The following DNAJC1 variants were observed in gnomAD, a reference collection of about 807,000 sequenced individuals.
DNAJC1 encodes DnaJ heat shock protein family (Hsp40) member C1.
In DNAJC1, 58 loss-of-function variants were observed where a neutral mutation model predicts 76.6. The ratio of observed to expected loss-of-function variants is 0.76; its 90% confidence interval spans 0.61 to 0.94. DNAJC1 has a LOEUF of 0.94. DNAJC1 is among the 40% of genes least tolerant of loss of function. The pLI is 0.00. For missense variants in DNAJC1, 689 were observed against 677.3 expected, an observed-to-expected ratio of 1.02 and a Z score of -0.19; for synonymous variants, 258 against 267.9, an observed-to-expected ratio of 0.96 and a Z score of 0.36.
At chr10:21,928,830 A>G (rs1380223744) in intron 2 of DNAJC1, among the ~76,000 whole-genome samples, 3 of 152,218 alleles carry the variant, frequency 2.0e-5, no homozygotes, top group Non-Finnish European at 4.4e-5. Context: ...CAAGAAAATT[A>G]TGACAATTAT....
At chr10:21,793,111 G>C (rs1451385664) in intron 9 of DNAJC1, among the ~76,000 whole-genome samples, 1 of 152,120 alleles carries the variant, frequency 6.6e-6, no homozygotes, top group South Asian at 2.1e-4. Flanking sequence ...TTCAAGACCA[G>C]TCTGGCCAAC....
At chr10:21,761,550 A>T (rs1397257824) in intron 10 of DNAJC1, among the ~76,000 whole-genome samples, 1 of 17,194 alleles carries the variant, frequency 5.8e-5, no homozygotes, top group African/African-American at 1.6e-4. Flanking sequence ...GACTCCGTCT[A>T]AAAAAAAAAA....
At chr10:21,866,231 T>C (rs1180396728) in intron 8 of DNAJC1, among the ~76,000 whole-genome samples, 2 of 151,624 alleles carry the variant, frequency 1.3e-5, no homozygotes, top group Non-Finnish European at 2.9e-5. Flanking sequence ...AGTAGTTTTA[T>C]TACATAACAA....
At chr10:21,872,797 T>C in intron 8 of DNAJC1, among the ~76,000 whole-genome samples, 1 of 152,274 alleles carries the variant, frequency 6.6e-6, no homozygotes, top group South Asian at 2.1e-4. Context: ...TCTTCCAAAA[T>C]TTGAAGCTCA....
Position 21,759,751 on chromosome 10 carries a change from A to ACTACTCTATTCTAGAAAGATAGGGAT in DNAJC1, c.1148-159_1148-134dup, listed in dbSNP as rs1425290852. On this transcript the variant is annotated intron_variant, in intron 10 of 11. Transcript: ENST00000376980. ...ATGCATGGTTTAATTTCATTTCCAC[A>ACTACTCTATTCTAGAAAGATAGGGAT]CTACTCTATTCTAGAAAGATAGGGA... 1.4e-5 allele frequency: 10 copies of ACTACTCTATTCTAGAAAGATAGGGAT among 736,224 alleles called. No homozygotes were observed. In the African/African-American group the frequency reaches 1.8e-4, roughly 13 times the overall value. The allele number at this position is 736,224 out of a possible 1,614,324, so 45.6% of individuals were successfully genotyped here.
intron 1 of DNAJC1, among the ~76,000 whole-genome samples, chr10:21,933,775 C>G (rs560387991): frequency 5.3e-5 from 8 of 152,132 alleles, no homozygotes; most frequent in Non-Finnish European, 7.4e-5. Context: ...CTTTAAAATT[C>G]CTATCTTCTA....
chr10:21,945,068 G>C (rs962448871), intron 1 of DNAJC1, among the ~76,000 whole-genome samples: 1 of 152,196 alleles, frequency 6.6e-6, no homozygotes, highest in Non-Finnish European at 1.5e-5. Flanking sequence ...AAATGTAGAA[G>C]CCATTGGTAT....
chr10:21,791,136 G>C (rs1201974032), intron 9 of DNAJC1, among the ~76,000 whole-genome samples: 1 of 152,012 alleles, frequency 6.6e-6, no homozygotes, highest in Admixed American at 6.6e-5. Context: ...AGACAAAAAA[G>C]GTCATTATAT....
intron 1 of DNAJC1, among the ~76,000 whole-genome samples, chr10:22,001,900 T>C (rs1838524057): frequency 6.6e-6 from 1 of 152,214 alleles, no homozygotes; most frequent in South Asian, 2.1e-4. Context: ...ATGAGATATA[T>C]AGTGTATCTA....
chr10:21,882,183 G>T, intron 8 of DNAJC1, 99 bp downstream of exon 8: 2 of 1,113,600 alleles, frequency 1.8e-6, no homozygotes, highest in Non-Finnish European at 1.2e-6. Flanking sequence ...TATTTGTGAA[G>T]TGCAATAAAA....
At chr10:21,930,510 G>A (rs1023904176) in intron 1 of DNAJC1, among the ~76,000 whole-genome samples, 2 of 152,152 alleles carry the variant, frequency 1.3e-5, no homozygotes. Context: ...GAGTTGGAGA[G>A]AGACAAAGTG....
intron 1 of DNAJC1, among the ~76,000 whole-genome samples, chr10:21,985,100 C>T (rs1590080048): frequency 6.6e-6 from 1 of 152,092 alleles, no homozygotes; most frequent in East Asian, 1.9e-4. Context: ...TAAAATCCAC[C>T]CATTATAAGA....
At chr10:21,967,934 T>C (rs915524744) in intron 1 of DNAJC1, among the ~76,000 whole-genome samples, 1 of 152,216 alleles carries the variant, frequency 6.6e-6, no homozygotes, top group Non-Finnish European at 1.5e-5. Flanking sequence ...TAGTACATGT[T>C]GTTTCCAGCT....
intron 1 of DNAJC1, among the ~76,000 whole-genome samples, chr10:21,980,609 G>A (rs1487355466): frequency 1.3e-5 from 2 of 152,088 alleles, no homozygotes; most frequent in Non-Finnish European, 2.9e-5. Context: ...GGATGTTAAT[G>A]GGACAGCTGG....
At chr10:21,850,879 T>G (rs1264112244) in intron 8 of DNAJC1, among the ~76,000 whole-genome samples, 1 of 152,168 alleles carries the variant, frequency 6.6e-6, no homozygotes, top group East Asian at 1.9e-4. Context: ...GCATATATGA[T>G]CAAATGGTTT....
intron 7 of DNAJC1, among the ~76,000 whole-genome samples, chr10:21,898,252 A>G (rs965318325): frequency 1.3e-5 from 2 of 152,258 alleles, no homozygotes; most frequent in Admixed American, 1.3e-4. Flanking sequence ...CTATATTCAT[A>G]GATTTGGAAT....
intron 1 of DNAJC1, among the ~76,000 whole-genome samples, chr10:21,972,826 A>T (rs150610081): frequency 2.6e-4 from 39 of 152,106 alleles, no homozygotes; most frequent in African/African-American, 8.7e-4. Flanking sequence ...CTACACCAAG[A>T]AACTGAAAAT....
At chr10:21,891,685 A>G (rs1836465895) in intron 7 of DNAJC1, among the ~76,000 whole-genome samples, 1 of 152,100 alleles carries the variant, frequency 6.6e-6, no homozygotes, top group Admixed American at 6.6e-5. Flanking sequence ...AAAGAAAGTA[A>G]CTGTTATACC....
intron 11 of DNAJC1, among the ~76,000 whole-genome samples, chr10:21,758,938 C>T (rs1277565185): frequency 6.6e-6 from 1 of 152,152 alleles, no homozygotes; most frequent in Non-Finnish European, 1.5e-5. Flanking sequence ...AAGCAGCTGC[C>T]CTGTGGGATG....
Sources: gnomAD v4.1 joint callset for allele counts (sites outside exome capture counted in the v4.1 genomes callset) on GRCh38, gnomAD v4.1.1 for gene constraint, MANE v1.5 for transcripts, NCBI Gene and HGNC (gene_info 2026-07-23, HGNC 2026-07-21) for gene names.